NIT2: variants seen among roughly 807,000 people sequenced by gnomAD.
NIT2 encodes omega-amidase NIT2.
In NIT2, 46 loss-of-function variants were observed where a neutral mutation model predicts 42.7. The ratio of observed to expected loss-of-function variants is 1.08; its 90% CI spans 0.85 to 1.38. The LOEUF is 1.38. Ranked by LOEUF, NIT2 falls within the 40% of genes most tolerant of loss-of-function variation. The probability of loss-of-function intolerance (pLI) is 0.00; values close to 1 mark genes in which losing one functional copy is unlikely to be tolerated. For synonymous variants in NIT2, 123 were observed against 121.9 expected (o/e 1.01, Z -0.06); for missense variants, 309 against 342.5 (o/e 0.90, Z 0.77).
chr3:100,347,784 GA>G (rs1317117355), intron 6 of NIT2, among the ~76,000 whole-genome samples: 1 of 152,158 alleles, frequency 6.6e-6, no homozygotes, highest in Non-Finnish European at 1.5e-5. Context: ...GAAAATAGTG[GA>G]AGTATGGAGA....
chr3:100,339,190 A>G lies in NIT2; in HGVS notation c.111A>G (p.Lys37=), dbSNP rs199884284. 1.9e-6 allele frequency: 3 copies of G among 1,611,226 alleles called. No individual in the cohort carries two copies. Among genetic ancestry groups the G allele is most frequent in the Admixed American group, 1.7e-5 (1 of 60,006 alleles). ...FIREAATQGA[K]IVSLPECFNS... ...GGGAGGCAGCAACGCAAGGAGCCAAAATAGTTTCTTTGCCGGTCAGTATGG... is the reference window on the plus strand; with the variant it reads ...GGGAGGCAGCAACGCAAGGAGCCAAGATAGTTTCTTTGCCGGTCAGTATGG... Residue 37 remains lysine, a synonymous_variant, in exon 2 of 10, where the codon AAA becomes AAG. Coordinates refer to ENST00000394140, the MANE Select transcript of NIT2 (RefSeq NM_020202.5).
Position 100,345,597 on chromosome 3 carries a change from G to T in NIT2, c.349G>T (p.Asp117Tyr). The stretch of plus-strand genomic sequence containing the variant: ...ATTTGTGATGCAGATCCATCTGTTT[G>T]ACATTGATGTTCCTGGAAAAATTAC... Reference protein sequence around the residue: ...LAKYRKIHLFDIDVPGKITFQ... With the variant: ...LAKYRKIHLFYIDVPGKITFQ... The change falls in exon 5 of 10, where the codon GAC becomes TAC. Residue 117 changes from aspartate to tyrosine, a missense_variant. Asp to Tyr is a radical substitution (Grantham distance 160). Transcript: ENST00000394140. 1 of 1,610,086 alleles carries T rather than the reference G, an allele frequency of 6.2e-7. No individual in the cohort carries two copies. The highest frequency in any genetic ancestry group is 1.1e-5 in the South Asian group (1 of 90,702).
chr3:100,342,621 T>G (rs912047711), intron 4 of NIT2, among the ~76,000 whole-genome samples: 48 of 152,190 alleles, frequency 3.2e-4, no homozygotes, highest in African/African-American at 9.6e-4. Flanking sequence ...ATGTGAAATT[T>G]AAGAACCTTA....
chr3:100,347,027 A>G (rs1706224797), intron 6 of NIT2, among the ~76,000 whole-genome samples: 1 of 152,182 alleles, frequency 6.6e-6, no homozygotes, highest in Non-Finnish European at 1.5e-5. Flanking sequence ...AAAGAATTAC[A>G]AAACGTGGTC....
intron 5 of NIT2, 59 bp from the exon 6 acceptor site, chr3:100,346,122 T>A (rs1706213931): frequency 9.5e-6 from 13 of 1,364,508 alleles, no homozygotes; most frequent in Non-Finnish European, 1.4e-5. Flanking sequence ...GGATTTCCCC[T>A]GCCACACCAT....
At chr3:100,345,742 T>C in intron 5 of NIT2, 64 bp downstream of exon 5, 1 of 1,018,392 alleles carries the variant, frequency 9.8e-7, no homozygotes, top group East Asian at 2.5e-5. Flanking sequence ...TATTTATTTC[T>C]TTTTTGTCTC....
chr3:100,345,557 G>T, intron 4 of NIT2, 28 bp from the exon 5 acceptor site: 1 of 1,498,390 alleles, frequency 6.7e-7, no homozygotes, highest in Non-Finnish European at 9.3e-7. Flanking sequence ...TGGAAAAGAG[G>T]TAACCAAATC....
chr3:100,339,308 C>A, intron 2 of NIT2, 103 bp downstream of exon 2: 1 of 776,194 alleles, frequency 1.3e-6, no homozygotes, highest in Non-Finnish European at 2.3e-6. Context: ...CCAGCAGTGT[C>A]CCTTGGAGCC....
rs922154356 is a variant in NIT2, at chr3:100,360,876, A to C, written c.*5608A>C. The C allele has an allele frequency of 2.0e-5, 3 of 152,200 alleles. No individual in the cohort carries two copies. The highest frequency in any genetic ancestry group is 2.0e-4 in the Admixed American group (3 of 15,280). The allele number at this position is 152,200 out of a possible 1,614,324, so 9.4% of individuals were successfully genotyped here. A position where few individuals can be genotyped will look rare whatever the true frequency, so the allele number is the denominator to read the frequency against. On this transcript the variant is annotated 3_prime_UTR_variant, in exon 10 of 10. Transcript: ENST00000394140. Reference sequence around the variant, plus strand: ...ATAGGACAGGTTTGTTTACTATCTGATACAGTCAAAATAGTGTTTCCCTCT... The same window carrying C: ...ATAGGACAGGTTTGTTTACTATCTGCTACAGTCAAAATAGTGTTTCCCTCT...
Position 100,352,515 on chromosome 3 carries a change from A to T in NIT2, c.683+13A>T. ...TGGTGAACCCTTGGTGAGTAAGGCT[A>T]AGTGAGAATAGGCTCAGTCGGAGCT... On this transcript the variant is annotated intron_variant, in intron 8 of 9. Transcript: ENST00000394140. The T allele has an allele frequency of 6.2e-7, 1 of 1,601,926 alleles. No homozygotes were observed. The highest frequency in any genetic ancestry group is 8.5e-7 in the Non-Finnish European group (1 of 1,169,662).
chr3:100,337,482 C>G (rs277623), intron 1 of NIT2, among the ~76,000 whole-genome samples: 1 of 152,028 alleles, frequency 6.6e-6, no homozygotes, highest in African/African-American at 2.4e-5. Context: ...GAGACTGAGT[C>G]TCACTCTGTC....
intron 4 of NIT2, 109 bp from the exon 5 acceptor site, chr3:100,345,476 T>C (rs1706205893): frequency 8.3e-6 from 6 of 718,704 alleles, no homozygotes; most frequent in Non-Finnish European, 1.5e-5. Flanking sequence ...GTGCTGTTTG[T>C]ATAGTTAATC....
Position 100,358,698 on chromosome 3 carries a change from G to A in NIT2, c.*3430G>A, listed in dbSNP as rs1559827322. The A allele has an allele frequency of 6.6e-6, 1 of 152,214 alleles. No homozygotes were observed. The highest frequency in any genetic ancestry group is 1.5e-5 in the Non-Finnish European group (1 of 68,034). 9.4% of individuals were successfully genotyped at this position (152,214 alleles called of 1,614,324 possible). ...TTATGGGGTTTTAAATGACCAAGGA[G>A]TAGATTGTGACATCGACTGGGTATT... is the stretch of plus-strand genomic sequence containing the variant. On this transcript the variant is annotated 3_prime_UTR_variant, in exon 10 of 10. Coordinates refer to ENST00000394140, the MANE Select transcript of NIT2 (RefSeq NM_020202.5).
chr3:100,338,779 T>C (rs1318002069), intron 1 of NIT2, among the ~76,000 whole-genome samples: 1 of 152,224 alleles, frequency 6.6e-6, no homozygotes, highest in Non-Finnish European at 1.5e-5. Context: ...GTGCCTGGCA[T>C]GGGACTTTGC....
Position 100,357,269 on chromosome 3 carries a change from A to G in NIT2, c.*2001A>G, listed in dbSNP as rs1404940749. ...TCCTAGCAGGCACACTGAAAGTTAA[A>G]CCTTGTAATAGTGCGAAATCATTTT... On this transcript the variant is annotated 3_prime_UTR_variant, in exon 10 of 10. Coordinates refer to ENST00000394140, the MANE Select transcript of NIT2 (RefSeq NM_020202.5). 1.3e-5 allele frequency: 2 copies of G among 152,156 alleles called. No homozygotes were observed. Among genetic ancestry groups the G allele is most frequent in the Non-Finnish European group, 2.9e-5 (2 of 68,022 alleles). 9.4% of individuals were successfully genotyped at this position (152,156 alleles called of 1,614,324 possible).
At position 100,339,917 on chromosome 3, in the gene NIT2, A is replaced by G. The variant is rs1320429821; in HGVS notation, c.229A>G (p.Ser77Gly). 1 of 1,613,238 alleles carries G rather than the reference A, an allele frequency of 6.2e-7. No homozygotes were observed. Among genetic ancestry groups the G allele is most frequent in the Non-Finnish European group, 8.5e-7 (1 of 1,179,580 alleles). The change falls in exon 3 of 10, where the codon AGC (serine) becomes GGC (glycine). Residue 77 changes from serine to glycine, a missense_variant. Ser to Gly is a moderately conservative substitution (Grantham distance 56, BLOSUM62 0). Coordinates refer to ENST00000394140, the MANE Select transcript of NIT2 (RefSeq NM_020202.5). ...QKLSEVAKEC[S>G]IYLIGGSIPE... ...GCTTTCTGAAGTAGCAAAGGAATGCAGCATATATCTCATTGGAGGTAACTT... is the reference window on the plus strand; with the variant it reads ...GCTTTCTGAAGTAGCAAAGGAATGCGGCATATATCTCATTGGAGGTAACTT...
intron 1 of NIT2, among the ~76,000 whole-genome samples, chr3:100,335,827 A>G (rs541265105): frequency 5.9e-5 from 9 of 152,340 alleles, no homozygotes; most frequent in African/African-American, 2.2e-4. Context: ...CCTGGGCAAC[A>G]TGGCGACACC....
intron 3 of NIT2, 161 bp downstream of exon 3, chr3:100,340,096 G>C (rs1309173325): frequency 3.1e-5 from 18 of 576,106 alleles, no homozygotes; most frequent in Non-Finnish European, 4.7e-5. Context: ...TTTGAGGTGA[G>C]GTCTTGCTTT....
chr3:100,356,883 T>C lies in NIT2; in HGVS notation c.*1615T>C, dbSNP rs1375477165. On this transcript the variant is annotated 3_prime_UTR_variant, in exon 10 of 10. Coordinates refer to ENST00000394140, the MANE Select transcript of NIT2 (RefSeq NM_020202.5). ...ATGAAATCATGCCATTAGTGCTTTT[T>C]CTGTATGTCTTCTTTCACTCAAAAT... 1 of 152,230 alleles carries C rather than the reference T, an allele frequency of 6.6e-6. No homozygotes were observed. Among genetic ancestry groups the C allele is most frequent in the Non-Finnish European group, 1.5e-5 (1 of 68,042 alleles). 9.4% of individuals were successfully genotyped at this position (152,230 alleles called of 1,614,324 possible).
Sources: gnomAD v4.1 joint callset for allele counts (sites outside exome capture counted in the v4.1 genomes callset) on GRCh38, gnomAD v4.1.1 for gene constraint, MANE v1.5 for transcripts, NCBI Gene and HGNC (gene_info 2026-07-23, HGNC 2026-07-21) for gene names.